Variants in COL2A1 observed in about 807,000 individuals in gnomAD.
The protein encoded by COL2A1 is collagen alpha-1(II) chain.
A neutral mutation model predicts 204.5 loss-of-function variants in COL2A1; 28 were observed. That is an observed-to-expected ratio of 0.14 (90% CI 0.10 to 0.19). The LOEUF is 0.19. COL2A1 is among the 10% of genes least tolerant of loss of function. COL2A1 has a pLI of 1.00. For synonymous variants in COL2A1, 708 were observed against 718.7 expected (o/e 0.99, Z 0.24); for missense variants, 1,388 against 2,027.5 (o/e 0.68, Z 6.06).
rs1289545107 is a variant in COL2A1 at position 47,978,569 on chromosome 12, C to T, written c.2895+28G>A. On this transcript the variant is annotated intron_variant, in intron 42 of 53. Transcript: ENST00000380518. This position sits in a 1 kb window ranked among gnomAD's most constrained non-coding sequence, Gnocchi z 5.5. ...CACTCACGACCCTGCTCCCAGGGAC[C>T]TTGGCATGGGCCTGGTGAGGGACTT... is the stretch of plus-strand genomic sequence containing the variant. 5 of 1,613,346 alleles carry T rather than the reference C, an allele frequency of 3.1e-6. No individual in the cohort carries two copies. Among genetic ancestry groups the T allele is most frequent in the Non-Finnish European group, 4.2e-6 (5 of 1,179,836 alleles).
At position 47,978,290 on chromosome 12, in the gene COL2A1, C is replaced by A; in HGVS notation, c.3003+1G>T. 1 of 1,613,834 alleles carries A rather than the reference C, an allele frequency of 6.2e-7. No homozygotes were observed. The highest frequency in any genetic ancestry group is 8.5e-7 in the Non-Finnish European group (1 of 1,179,946). ...TGGAGGGAGGGATACCCCACACTCA[C>A]CGACGGGCCAGGCAAGCCAGGGAAT... On this transcript the variant is annotated splice_donor_variant, in intron 43 of 53. Transcript: ENST00000380518. LOFTEE classifies it high-confidence loss of function. The surrounding 1 kb of genome is among the most constrained non-coding windows in gnomAD (Gnocchi z 5.5).
intron 27 of COL2A1, 135 bp downstream of exon 27, chr12:47,984,860 G>T: frequency 1.2e-6 from 1 of 827,442 alleles, no homozygotes; most frequent in Non-Finnish European, 2.0e-6. Context: ...GACCCCCACT[G>T]CCACCCATGG....
At chr12:47,982,354 G>T in intron 34 of COL2A1, 148 bp downstream of exon 34, 1 of 792,472 alleles carries the variant, frequency 1.3e-6, no homozygotes, top group South Asian at 1.5e-5. Flanking sequence ...AAAAGGCAGG[G>T]AGCTTTGGAA....
At chr12:47,985,129 C>A (rs1479573368) in intron 26 of COL2A1, 36 bp from the exon 27 acceptor site, 1 of 1,545,990 alleles carries the variant, frequency 6.5e-7, no homozygotes, top group Non-Finnish European at 8.9e-7. Context: ...AACATAGACA[C>A]TCTGACCACA....
Position 47,977,634 on chromosome 12 carries a change from C to G in COL2A1, c.3131G>C (p.Gly1044Ala), listed in dbSNP as rs1229928635. 2 of 1,614,138 alleles carry G rather than the reference C, an allele frequency of 1.2e-6. No individual in the cohort carries two copies. Among genetic ancestry groups the G allele is most frequent in the Admixed American group, 1.7e-5 (1 of 60,022 alleles). Residue 1044 changes from glycine to alanine, a missense_variant, in exon 45 of 54, where the codon GGC (glycine) becomes GCC (alanine). Physicochemically the swap from Gly to Ala is moderately conservative, Grantham distance 60. Around this residue, in one of 3 missense-constraint regions of COL2A1, gnomAD observed 884 missense variants for 1,415.8 expected, o/e 0.62. Transcript: ENST00000380518. ...PGREGSPGAD[G>A]PPGRDGAAGV... is the part of the protein sequence containing the mutation. Reference sequence around the variant, plus strand: ...AGCAGCGCCATCTCTGCCAGGGGGGCCATCAGCACCGGGGCTTCCCTGGAC... The same window carrying G: ...AGCAGCGCCATCTCTGCCAGGGGGGGCATCAGCACCGGGGCTTCCCTGGAC...
At chr12:48,005,359 TG>T (rs1940428401), upstream of COL2A1, 1 of 152,344 alleles carries the variant, frequency 6.6e-6, no homozygotes, top group Non-Finnish European at 1.5e-5. Flanking sequence ...GGCTCAGACG[TG>T]GTGTCTGCTC....
intron 8 of COL2A1, 48 bp from the exon 9 acceptor site, chr12:47,995,967 T>C (rs779759488): frequency 6.8e-7 from 1 of 1,475,802 alleles, no homozygotes; most frequent in Non-Finnish European, 9.5e-7. Context: ...GCTTCCTCAG[T>C]GGCCTCCAGT....
In COL2A1 at chr12:47,981,516, A is replaced by T. The variant is rs1422113836; in HGVS notation, c.2410-120T>A. 1.0e-5 allele frequency: 10 copies of T among 975,884 alleles called. No individual in the cohort carries two copies. The Admixed American group carries it at 1.6e-4, about 16-fold the overall frequency. The allele number at this position is 975,884 out of a possible 1,614,324, so 60.5% of individuals were successfully genotyped here. On this transcript the variant is annotated intron_variant, in intron 36 of 53. Coordinates refer to ENST00000380518, the MANE Select transcript of COL2A1 (RefSeq NM_001844.5). ...AGGGGGCTCCAGGTCCCCCTGGCAC[A>T]GCCTGTGTTACTGTGCAGCCCATAC...
At position 48,004,223 on chromosome 12, in the gene COL2A1, G is replaced by C. The variant is rs935495157; in HGVS notation, c.85+14C>G. On this transcript the variant is annotated intron_variant, in intron 1 of 53. Transcript: ENST00000380518. ...GGAAAGCAGGCAGGCAGGCAGGGGCGGGGGAAGACTTACGGACATCCTGGC... is the reference window on the plus strand; with the variant it reads ...GGAAAGCAGGCAGGCAGGCAGGGGCCGGGGAAGACTTACGGACATCCTGGC... 6.5e-7 allele frequency: 1 copy of C among 1,534,876 alleles called. No homozygotes were observed. The highest frequency in any genetic ancestry group is 1.4e-5 in the African/African-American group (1 of 72,728).
Position 47,986,413 on chromosome 12 carries a change from G to A in COL2A1, c.1450C>T (p.Pro484Ser), listed in dbSNP as rs1437336337. 4.5e-6 allele frequency: 7 copies of A among 1,562,082 alleles called. No individual in the cohort carries two copies. The highest frequency in any genetic ancestry group is 1.4e-5 in the African/African-American group (1 of 73,466). Residue 484 changes from proline (P) to serine (S), a missense_variant, in exon 23 of 54, where the codon CCC (proline) becomes TCC (serine). Pro to Ser is a moderately conservative substitution (Grantham distance 74, BLOSUM62 -1). This residue lies in a region of COL2A1 where 884 missense variants were observed against 1,415.8 expected (regional missense o/e 0.62). Coordinates refer to ENST00000380518, the MANE Select transcript of COL2A1 (RefSeq NM_001844.5). Reference protein sequence around the residue: ...GPAGPQGAPGPAGEEGKRGAR... With the variant: ...GPAGPQGAPGSAGEEGKRGAR... ...CCTCTCTTGCCTTCTTCACCAGCGG[G>A]TCCAGGGGCTCCCTGGGGGCCAGCA...
At chr12:48,001,303 A>C (rs533592405) in intron 1 of COL2A1, among the ~76,000 whole-genome samples, 1 of 152,414 alleles carries the variant, frequency 6.6e-6, no homozygotes, top group Non-Finnish European at 1.5e-5. Flanking sequence ...AAGAGAGTGA[A>C]AATCCAAAGA....
In COL2A1 at chr12:47,977,395, A is replaced by G; in HGVS notation, c.3198T>C (p.Ala1066=). 6.2e-7 allele frequency: 1 copy of G among 1,613,018 alleles called. No homozygotes were observed. The highest frequency in any genetic ancestry group is 1.1e-5 in the South Asian group (1 of 91,040). ...AGCCAGGGGGCCCAGGGGCTCCAGG[A>G]GCTCCCACAGCACCAGTCTCACCAC... ...GDRGETGAVG[A]PGAPGPPGSP... The change falls in exon 46 of 54, where the codon GCT becomes GCC. Residue 1066 remains alanine (A), a synonymous_variant. Transcript: ENST00000380518.
At chr12:47,994,516 ACG>A in intron 11 of COL2A1, 39 bp from the exon 12 acceptor site, 1 of 1,611,000 alleles carries the variant, frequency 6.2e-7, no homozygotes, top group Non-Finnish European at 8.5e-7. Context: ...TTCCTCAGAG[ACG>A]CAGTAGCATA....
chr12:47,975,576 ACCAGGGGGT>A lies in COL2A1; in HGVS notation c.3618_3626del (p.Pro1214_Pro1216del). 6.2e-7 allele frequency: 1 copy of A among 1,601,548 alleles called. No homozygotes were observed. The highest frequency in any genetic ancestry group is 8.5e-7 in the Non-Finnish European group (1 of 1,179,882). Reference sequence around the variant, plus strand: ...TGCCAGGGCCAGGGGGACCTGGAGGACCAGGGGGTCCAGGATTTCCAGGAGGACCCTGCA... The same window carrying A: ...TGCCAGGGCCAGGGGGACCTGGAGGACCAGGATTTCCAGGAGGACCCTGCA... On this transcript the variant is annotated inframe_deletion, in exon 51 of 54. Transcript: ENST00000380518.
chr12:47,976,159 G>A lies in COL2A1; in HGVS notation c.3490-89C>T. The A allele has an allele frequency of 1.1e-6, 1 of 902,818 alleles. No individual in the cohort carries two copies. The highest frequency in any genetic ancestry group is 1.9e-6 in the Non-Finnish European group (1 of 535,020). 55.9% of individuals were successfully genotyped at this position (902,818 alleles called of 1,614,324 possible). On this transcript the variant is annotated intron_variant, in intron 49 of 53. Coordinates refer to ENST00000380518, the MANE Select transcript of COL2A1 (RefSeq NM_001844.5). This position sits in a 1 kb window ranked among gnomAD's most constrained non-coding sequence, Gnocchi z 4.3. Reference sequence around the variant, plus strand: ...GGCTGGGTAGGTGGCTGTCCTGATAGCACCAGCCACTCCGCCCCCAGTTCT... The same window carrying A: ...GGCTGGGTAGGTGGCTGTCCTGATAACACCAGCCACTCCGCCCCCAGTTCT...
intron 36 of COL2A1, 147 bp downstream of exon 36, chr12:47,981,629 T>C (rs940976561): frequency 5.6e-6 from 6 of 1,069,614 alleles, no homozygotes; most frequent in Non-Finnish European, 8.5e-6. Flanking sequence ...GCGGCTTCAC[T>C]TCTGAGAGGG....
intron 52 of COL2A1, 98 bp from the exon 53 acceptor site, chr12:47,974,429 C>G: frequency 6.6e-7 from 1 of 1,514,192 alleles, no homozygotes; most frequent in Non-Finnish European, 9.0e-7. Context: ...TCAAGGACCT[C>G]AAGGGTACTG....
Position 48,004,234 on chromosome 12 carries a change from T to C in COL2A1, c.85+3A>G. ...AGGCAGGCAGGGGCGGGGGAAGACTTACGGACATCCTGGCCCTGACACCGA... is the reference window on the plus strand; with the variant it reads ...AGGCAGGCAGGGGCGGGGGAAGACTCACGGACATCCTGGCCCTGACACCGA... On this transcript the variant is annotated splice_donor_region_variant and intron_variant, in intron 1 of 53. Transcript: ENST00000380518. 2 of 1,545,920 alleles carry C rather than the reference T, an allele frequency of 1.3e-6. No individual in the cohort carries two copies. The highest frequency in any genetic ancestry group is 1.8e-6 in the Non-Finnish European group (2 of 1,142,550).
At position 47,976,766 on chromosome 12, in the gene COL2A1, T is replaced by C; in HGVS notation, c.3435+46A>G. On this transcript the variant is annotated intron_variant, in intron 48 of 53. Transcript: ENST00000380518. The surrounding 1 kb of genome is among the most constrained non-coding windows in gnomAD (Gnocchi z 4.3). ...GCACAGGGAGCTCAAGTGGGCTCTG[T>C]GTGGCAGGAGGCCTCGGGAAGTCCC... The C allele has an allele frequency of 1.9e-6, 3 of 1,553,590 alleles. No individual in the cohort carries two copies. The highest frequency in any genetic ancestry group is 1.1e-5 in the South Asian group (1 of 87,596).
Sources: gnomAD v4.1 joint callset for allele counts (sites outside exome capture counted in the v4.1 genomes callset) on GRCh38, gnomAD v4.1.1 for gene constraint, gnomAD v4.1.1 regional missense constraint, Gnocchi (gnomAD v3.1) non-coding constraint, MANE v1.5 for transcripts, NCBI Gene and HGNC (gene_info 2026-07-23, HGNC 2026-07-21) for gene names.